Variants in THADA observed in about 807,000 individuals in gnomAD.
THADA encodes the protein THADA armadillo repeat containing.
Under a neutral mutation model 219.8 loss-of-function variants are expected in THADA, and 213 were observed. The observed-to-expected ratio is 0.97, with a 90% confidence interval of 0.87 to 1.09. The LOEUF is 1.09. Among genes scored for constraint, THADA ranks in the 50% least tolerant of loss-of-function variants. The probability of loss-of-function intolerance (pLI) is 0.00; values close to 1 mark genes in which losing one functional copy is unlikely to be tolerated. For missense variants in THADA, 2,956 were observed against 2,311.3 expected, an observed-to-expected ratio of 1.28 and a Z score of -5.72; for synonymous variants, 1,018 against 828.9, an observed-to-expected ratio of 1.23 and a Z score of -3.92.
chr2:43,393,316 T>A (rs1673622664), intron 29 of THADA, among the ~76,000 whole-genome samples: 1 of 152,256 alleles, frequency 6.6e-6, no homozygotes, highest in Non-Finnish European at 1.5e-5. Context: ...TATCTTTAGA[T>A]GGATCCTTGG....
intron 29 of THADA, among the ~76,000 whole-genome samples, chr2:43,374,161 G>A (rs1454775479): frequency 6.6e-6 from 1 of 152,184 alleles, no homozygotes; most frequent in Non-Finnish European, 1.5e-5. Flanking sequence ...GGAGAAAACT[G>A]ACATCTTTAT....
intron 31 of THADA, among the ~76,000 whole-genome samples, chr2:43,314,611 T>C (rs1475749909): frequency 6.6e-6 from 1 of 152,216 alleles, no homozygotes; most frequent in African/African-American, 2.4e-5. Context: ...TAATTTAAGA[T>C]GGGTTTAATA....
At chr2:43,295,917 TG>T (rs1300485660) in intron 31 of THADA, among the ~76,000 whole-genome samples, 49 of 141,748 alleles carry the variant, frequency 3.5e-4, no homozygotes, top group African/African-American at 1.3e-3. Flanking sequence ...AAACCTCTAC[TG>T]TTTTTTTTTT....
intron 31 of THADA, among the ~76,000 whole-genome samples, chr2:43,305,841 A>C (rs186747294): frequency 2.0e-5 from 3 of 152,168 alleles, no homozygotes; most frequent in Admixed American, 6.5e-5. Context: ...TGACAACCCA[A>C]AGACACAAAC....
At chr2:43,268,723 C>T (rs1671806429) in intron 36 of THADA, among the ~76,000 whole-genome samples, 1 of 152,216 alleles carries the variant, frequency 6.6e-6, no homozygotes, top group Admixed American at 6.5e-5. Flanking sequence ...CCACCCCTGC[C>T]CTGCAGAACT....
At chr2:43,592,231 T>A (rs532617420) in intron 2 of THADA, 86 bp downstream of exon 2, 4 of 1,068,350 alleles carry the variant, frequency 3.7e-6, no homozygotes, top group Admixed American at 5.7e-5. Context: ...AGAATTTGAA[T>A]ATTATATGCT....
At chr2:43,394,994 G>C (rs1406256665) in intron 29 of THADA, among the ~76,000 whole-genome samples, 2 of 152,174 alleles carry the variant, frequency 1.3e-5, no homozygotes, top group African/African-American at 4.8e-5. Context: ...AAGTAAACTT[G>C]AGACTATCAA....
At chr2:43,374,953 G>A (rs1671207290) in intron 29 of THADA, among the ~76,000 whole-genome samples, 1 of 151,890 alleles carries the variant, frequency 6.6e-6, no homozygotes, top group Non-Finnish European at 1.5e-5. Flanking sequence ...TGGAAAATAA[G>A]AGCAACTATA....
At chr2:43,276,998 C>G (rs1672796019) in intron 36 of THADA, among the ~76,000 whole-genome samples, 2 of 152,288 alleles carry the variant, frequency 1.3e-5, no homozygotes, top group South Asian at 4.2e-4. Context: ...TCTCATACAT[C>G]AGTCCTCTCC....
intron 30 of THADA, among the ~76,000 whole-genome samples, chr2:43,334,308 G>C (rs1200541583): frequency 6.6e-6 from 1 of 152,094 alleles, no homozygotes; most frequent in African/African-American, 2.4e-5. Flanking sequence ...GCACATGGAG[G>C]ACTGCATGGG....
chr2:43,578,563 T>A lies in THADA; in HGVS notation c.766A>T (p.Ile256Phe), dbSNP rs987323546. Residue 256 changes from isoleucine to phenylalanine, a missense_variant, in exon 9 of 38, where the codon ATT (isoleucine) becomes TTT (phenylalanine). By Grantham distance (21) the Ile-to-Phe change is conservative. Transcript: ENST00000405975. ...TGAAACATAGTCTTAATAAAAAGAATAATAGCTAATCCAGATGTGCTCTGT... is the reference window on the plus strand; with the variant it reads ...TGAAACATAGTCTTAATAAAAAGAAAAATAGCTAATCCAGATGTGCTCTGT... ...TVQSTSGLAI[I>F]LFIKTMFHPS... The A allele has an allele frequency of 5.6e-6, 9 of 1,613,032 alleles. No individual in the cohort carries two copies. Among genetic ancestry groups the A allele is most frequent in the Non-Finnish European group, 7.6e-6 (9 of 1,179,188 alleles).
chr2:43,329,434 G>A (rs1679706740), intron 30 of THADA, among the ~76,000 whole-genome samples: 1 of 152,170 alleles, frequency 6.6e-6, no homozygotes, highest in Non-Finnish European at 1.5e-5. Context: ...CCGTCAATAG[G>A]ACCGTGGTCA....
chr2:43,446,977 G>A lies in THADA; in HGVS notation c.3837-16675C>T, dbSNP rs566664582. 1.3e-4 allele frequency among the ~76,000 whole-genome samples: 20 copies of A among 152,238 alleles called. No homozygotes were observed. In the East Asian group the frequency reaches 2.9e-3, roughly 22 times the overall value. On this transcript the variant is annotated intron_variant, in intron 26 of 37. Transcript: ENST00000405975. Reference sequence around the variant, plus strand: ...TCAGTATTTCTTGGCTTATAGCTGCGTATTAGTCCGTTTTCATGCTGCTAT... The same window carrying A: ...TCAGTATTTCTTGGCTTATAGCTGCATATTAGTCCGTTTTCATGCTGCTAT...
At chr2:43,483,320 T>G (rs1186849735) in intron 26 of THADA, among the ~76,000 whole-genome samples, 3 of 152,086 alleles carry the variant, frequency 2.0e-5, no homozygotes, top group African/African-American at 7.2e-5. Context: ...TATAAACATT[T>G]AAACAAAAAG....
chr2:43,543,984 C>T (rs1695670261), intron 20 of THADA, among the ~76,000 whole-genome samples: 1 of 152,074 alleles, frequency 6.6e-6, no homozygotes, highest in Non-Finnish European at 1.5e-5. Context: ...AGGTTTTCTT[C>T]TAGGGTTTTT....
At chr2:43,549,164 C>T (rs918677650) in intron 20 of THADA, 46 bp downstream of exon 20, 3 of 1,436,288 alleles carry the variant, frequency 2.1e-6, no homozygotes, top group Non-Finnish European at 2.8e-6. Flanking sequence ...GTACATTTTA[C>T]TGGTTACTTA....
chr2:43,548,589 AGCCTCGATGCT>A (rs1696353511), intron 20 of THADA, among the ~76,000 whole-genome samples: 1 of 152,068 alleles, frequency 6.6e-6, no homozygotes, highest in Admixed American at 6.5e-5. Context: ...CCCCTCCCCC[AGCCTCGATGCT>A]GCCTTGCAGT....
chr2:43,397,884 T>A (rs1340099098), intron 29 of THADA, 87 bp downstream of exon 29: 2 of 1,397,480 alleles, frequency 1.4e-6, no homozygotes, highest in African/African-American at 2.9e-5. Context: ...AGGCTGTGTA[T>A]CAAATCTTCA....
chr2:43,429,254 C>G (rs906563255), intron 27 of THADA, among the ~76,000 whole-genome samples: 2 of 152,012 alleles, frequency 1.3e-5, no homozygotes, highest in African/African-American at 4.8e-5. Context: ...ATCACAGGTG[C>G]GCACCACCAG....
Sources: gnomAD v4.1 joint callset for allele counts (sites outside exome capture counted in the v4.1 genomes callset) on GRCh38, gnomAD v4.1.1 for gene constraint, MANE v1.5 for transcripts, NCBI Gene and HGNC (gene_info 2026-07-23, HGNC 2026-07-21) for gene names.